The following UBP1 variants were observed in gnomAD, a reference collection of about 807,000 sequenced individuals.
UBP1 encodes upstream binding protein 1, also known as upstream-binding protein 1.
Under a neutral mutation model 76.1 loss-of-function variants are expected in UBP1, and 22 were observed. That is an observed-to-expected ratio of 0.29 (90% CI 0.21 to 0.41). UBP1 has a LOEUF of 0.41. Among genes scored for constraint, UBP1 ranks in the 10% least tolerant of loss-of-function variants. UBP1 has a pLI of 1.00. For missense variants in UBP1, 436 were observed against 668.1 expected (o/e 0.65, Z 3.83); for synonymous variants, 224 against 237.1 (o/e 0.94, Z 0.51).
rs1477460678 is a variant in UBP1 at position 33,388,448 on chromosome 3, G to A, written c.*1883C>T. 6.6e-6 allele frequency: 1 copy of A among 152,520 alleles called. No homozygotes were observed. Among genetic ancestry groups the A allele is most frequent in the Non-Finnish European group, 1.5e-5 (1 of 68,034 alleles). The allele number at this position is 152,520 out of a possible 1,614,324, so 9.4% of individuals were successfully genotyped here. ...AAATTTATTTAGCCTGTTTCACTGGGACAAACTCACGTTCAATGCCACTCA... is the reference window on the plus strand; with the variant it reads ...AAATTTATTTAGCCTGTTTCACTGGAACAAACTCACGTTCAATGCCACTCA... On this transcript the variant is annotated 3_prime_UTR_variant, in exon 16 of 16. Coordinates refer to ENST00000283629, the MANE Select transcript of UBP1 (RefSeq NM_014517.5).
At chr3:33,417,299 C>G (rs796164314) in intron 2 of UBP1, among the ~76,000 whole-genome samples, 31 of 152,102 alleles carry the variant, frequency 2.0e-4, no homozygotes, top group African/African-American at 7.0e-4. Flanking sequence ...CCCCACCCCC[C>G]ACCTGGCCAA....
intron 3 of UBP1, among the ~76,000 whole-genome samples, chr3:33,415,414 C>T (rs1033105459): frequency 2.6e-5 from 4 of 151,960 alleles, no homozygotes; most frequent in Admixed American, 6.6e-5. Flanking sequence ...TTCTATAATC[C>T]GGCATACACA....
chr3:33,429,359 T>A (rs2045075543), intron 1 of UBP1, among the ~76,000 whole-genome samples: 1 of 152,160 alleles, frequency 6.6e-6, no homozygotes, highest in Non-Finnish European at 1.5e-5. Context: ...CTTTATTTTT[T>A]TTTTTTTAAG....
chr3:33,394,640 G>A (rs1034231879), intron 13 of UBP1, among the ~76,000 whole-genome samples: 3 of 152,044 alleles, frequency 2.0e-5, no homozygotes, highest in African/African-American at 7.2e-5. Context: ...ACATGGATCA[G>A]GAATATCATT....
At chr3:33,402,370 T>TA (rs1438766047) in intron 9 of UBP1, among the ~76,000 whole-genome samples, 3 of 152,036 alleles carry the variant, frequency 2.0e-5, no homozygotes, top group South Asian at 2.1e-4. Context: ...AAGATTTAAT[T>TA]AAAAAAATAG....
chr3:33,411,340 G>A (rs573170086), intron 5 of UBP1, among the ~76,000 whole-genome samples: 9 of 151,922 alleles, frequency 5.9e-5, no homozygotes, highest in Admixed American at 1.3e-4. Flanking sequence ...TTTCATTATT[G>A]GGACTACTAG....
chr3:33,419,745 A>C (rs2044838228), intron 2 of UBP1, among the ~76,000 whole-genome samples: 1 of 152,196 alleles, frequency 6.6e-6, no homozygotes, highest in African/African-American at 2.4e-5. Flanking sequence ...TTGAGAGAAC[A>C]ACCAGACTTT....
intron 8 of UBP1, among the ~76,000 whole-genome samples, chr3:33,404,147 T>C (rs755164289): frequency 6.6e-6 from 1 of 152,148 alleles, no homozygotes; most frequent in Admixed American, 6.5e-5. Flanking sequence ...GCGCGGTGGC[T>C]CACGCCTGTA....
At chr3:33,427,222 C>T (rs2045033595) in intron 1 of UBP1, among the ~76,000 whole-genome samples, 2 of 152,248 alleles carry the variant, frequency 1.3e-5, no homozygotes. Flanking sequence ...GCCTCAGCCT[C>T]CCAAAGTGCT....
At chr3:33,434,407 T>C (rs913616132) in intron 1 of UBP1, among the ~76,000 whole-genome samples, 7 of 147,134 alleles carry the variant, frequency 4.8e-5, no homozygotes, top group Non-Finnish European at 8.9e-5. Flanking sequence ...CAGGCAATTC[T>C]CCTGCCTCAG....
chr3:33,435,276 GA>G (rs1335021263), intron 1 of UBP1, among the ~76,000 whole-genome samples: 6 of 151,460 alleles, frequency 4.0e-5, no homozygotes, highest in Admixed American at 6.6e-5. Context: ...AGATTCTAAG[GA>G]AAAAAAACAG....
At chr3:33,399,610 G>T (rs1204648729) in intron 11 of UBP1, among the ~76,000 whole-genome samples, 2 of 152,164 alleles carry the variant, frequency 1.3e-5, no homozygotes, top group East Asian at 3.9e-4. Flanking sequence ...CAAAATTATA[G>T]ACAGAATGTA....
intron 8 of UBP1, chr3:33,403,122 A>C: frequency 2.1e-6 from 1 of 476,852 alleles, no homozygotes; most frequent in Non-Finnish European, 3.8e-6. Context: ...CTTAGAGAAG[A>C]CCTAAAGTGA....
chr3:33,413,564 A>C (rs1443450326), intron 3 of UBP1, among the ~76,000 whole-genome samples: 5 of 151,698 alleles, frequency 3.3e-5, no homozygotes, highest in East Asian at 1.9e-4. Flanking sequence ...AAAAAAAAAA[A>C]ACTTTGAGTT....
intron 1 of UBP1, among the ~76,000 whole-genome samples, chr3:33,435,284 A>C (rs1255263675): frequency 6.6e-6 from 1 of 152,224 alleles, no homozygotes; most frequent in African/African-American, 2.4e-5. Context: ...AGGAAAAAAA[A>C]CAGAAATTAC....
chr3:33,389,177 T>C lies in UBP1; in HGVS notation c.*1154A>G, dbSNP rs541136109. The C allele has an allele frequency of 1.3e-5, 2 of 152,730 alleles. No individual in the cohort carries two copies. Among genetic ancestry groups the C allele is most frequent in the South Asian group, 4.1e-4 (2 of 4,824 alleles). 9.5% of individuals were successfully genotyped at this position (152,730 alleles called of 1,614,324 possible). A position where few individuals can be genotyped will look rare whatever the true frequency, so the allele number is the denominator to read the frequency against. The stretch of plus-strand genomic sequence containing the variant: ...TTTGGTTTTATGAAAGAGGCACTCT[T>C]ATAGAGAAAGAAGCTAGTATGTGGT... On this transcript the variant is annotated 3_prime_UTR_variant, in exon 16 of 16. Transcript: ENST00000283629.
intron 11 of UBP1, chr3:33,397,338 CAAG>C (rs1031093888): frequency 5.0e-5 from 21 of 420,290 alleles, no homozygotes; most frequent in African/African-American, 3.7e-4. Flanking sequence ...TGTCCTGTAT[CAAG>C]AAGGAGCTTA....
At chr3:33,429,924 T>C (rs535257929) in intron 1 of UBP1, among the ~76,000 whole-genome samples, 4 of 152,282 alleles carry the variant, frequency 2.6e-5, no homozygotes, top group Non-Finnish European at 5.9e-5. Context: ...CAGTGAAAAT[T>C]TGAATTTTTC....
intron 13 of UBP1, among the ~76,000 whole-genome samples, chr3:33,394,904 C>T (rs1312020073): frequency 6.8e-6 from 1 of 147,960 alleles, no homozygotes; most frequent in Non-Finnish European, 1.5e-5. Context: ...TTTAGCACTA[C>T]AATCACAGAG....
Sources: gnomAD v4.1 joint callset for allele counts (sites outside exome capture counted in the v4.1 genomes callset) on GRCh38, gnomAD v4.1.1 for gene constraint, MANE v1.5 for transcripts, NCBI Gene and HGNC (gene_info 2026-07-23, HGNC 2026-07-21) for gene names.